Variants in TANC1 observed in about 807,000 individuals in gnomAD.
The protein encoded by TANC1 is protein TANC1.
Under a neutral mutation model 149.7 loss-of-function variants are expected in TANC1, and 77 were observed. That is an observed-to-expected ratio of 0.51 (90% CI 0.43 to 0.62). The LOEUF is 0.62. Ranked by LOEUF, TANC1 falls within the 20% of genes least tolerant of loss-of-function variation. The probability of loss-of-function intolerance (pLI) is 0.00; values close to 1 mark genes in which losing one functional copy is unlikely to be tolerated. For missense variants in TANC1, 1,985 were observed against 2,321.8 expected (o/e 0.85, Z 2.98); for synonymous variants, 854 against 925.0 (o/e 0.92, Z 1.39).
chr2:159,209,368 C>T (rs73002999), intron 19 of TANC1, among the ~76,000 whole-genome samples: 1,896 of 152,338 alleles, frequency 0.012, 43 homozygotes, highest in African/African-American at 0.043. Flanking sequence ...TAATAGAAGC[C>T]TTCCCCTCGC....
intron 2 of TANC1, among the ~76,000 whole-genome samples, chr2:159,041,241 G>A (rs928335361): frequency 1.2e-4 from 19 of 152,282 alleles, no homozygotes; most frequent in Admixed American, 3.9e-4. Flanking sequence ...TGGGGGTCAG[G>A]GACCCACTTG....
Position 159,176,662 on chromosome 2 carries a change from C to T in TANC1, c.1902+144C>T, listed in dbSNP as rs527432902. On this transcript the variant is annotated intron_variant, in intron 13 of 26. Transcript: ENST00000263635. The stretch of plus-strand genomic sequence containing the variant: ...AATTTGAAAAACTAGTCCAGAGAGC[C>T]AGACTTGGGTGAAACTCTGACCTTT... 40 of 670,164 alleles carry T rather than the reference C, an allele frequency of 6.0e-5. No homozygotes were observed. The Admixed American group carries it at 6.4e-4, about 11-fold the overall frequency. The allele number at this position is 670,164 out of a possible 1,614,324, so 41.5% of individuals were successfully genotyped here. A position where few individuals can be genotyped will look rare whatever the true frequency, so the allele number is the denominator to read the frequency against.
At chr2:159,083,180 C>T (rs1036838720) in intron 3 of TANC1, among the ~76,000 whole-genome samples, 5 of 151,996 alleles carry the variant, frequency 3.3e-5, no homozygotes, top group African/African-American at 4.8e-5. Flanking sequence ...GTCTTGAACT[C>T]CTGGCCTCAA....
At chr2:159,040,950 G>A (rs555545447) in intron 2 of TANC1, among the ~76,000 whole-genome samples, 110 of 152,232 alleles carry the variant, frequency 7.2e-4, no homozygotes, top group African/African-American at 2.6e-3. Context: ...GTTTTGGTGT[G>A]GATGTCCTTT....
At chr2:159,188,770 C>T (rs1287385322) in intron 16 of TANC1, among the ~76,000 whole-genome samples, 6 of 152,378 alleles carry the variant, frequency 3.9e-5, no homozygotes, top group South Asian at 4.1e-4. Flanking sequence ...TCCTCATGAT[C>T]GTATTGCCTC....
At chr2:159,046,776 G>T (rs533303528) in intron 2 of TANC1, among the ~76,000 whole-genome samples, 206 of 150,868 alleles carry the variant, frequency 1.4e-3, no homozygotes, top group Middle Eastern at 3.4e-3. Flanking sequence ...AATTTTTTTT[G>T]TATTTTTTGT....
intron 1 of TANC1, among the ~76,000 whole-genome samples, chr2:158,987,959 C>T (rs2035196077): frequency 6.6e-6 from 1 of 152,150 alleles, no homozygotes; most frequent in African/African-American, 2.4e-5. Context: ...CATTGCTTTA[C>T]ATTACCTACC....
chr2:159,002,483 TTC>T (rs1171494864), intron 2 of TANC1, among the ~76,000 whole-genome samples: 1 of 152,164 alleles, frequency 6.6e-6, no homozygotes, highest in African/African-American at 2.4e-5. Flanking sequence ...GCCACAGATT[TTC>T]TTTGTTTTTA....
chr2:159,098,553 C>T (rs1276496969), intron 4 of TANC1, among the ~76,000 whole-genome samples: 1 of 152,052 alleles, frequency 6.6e-6, no homozygotes, highest in Non-Finnish European at 1.5e-5. Flanking sequence ...TTTATTACTA[C>T]CTAGTATATA....
At chr2:159,011,426 G>T (rs1221041523) in intron 2 of TANC1, among the ~76,000 whole-genome samples, 2 of 152,152 alleles carry the variant, frequency 1.3e-5, no homozygotes, top group South Asian at 2.1e-4. Flanking sequence ...ATCTGATGGG[G>T]GCAGGCAATA....
In TANC1 at chr2:158,969,221, C is replaced by CGGGGGAGGCG. The variant is rs879894616; in HGVS notation, c.-126+450_-126+459dup. ...CCTGGGCTACGCCTGGTACCTGGCG[C>CGGGGGAGGCG]GGGGGAGGCGGGGGGAGGCGCGCCT... On this transcript the variant is annotated intron_variant, in intron 1 of 26. Coordinates refer to ENST00000263635, the MANE Select transcript of TANC1 (RefSeq NM_033394.3). 4.4e-3 allele frequency among the ~76,000 whole-genome samples: 670 copies of CGGGGGAGGCG among 152,228 alleles called. 1 individual carries two copies. The highest frequency in any genetic ancestry group is 7.9e-3 in the Non-Finnish European group (540 of 68,000).
chr2:159,076,413 G>T (rs1283097422), intron 3 of TANC1, among the ~76,000 whole-genome samples: 1 of 152,132 alleles, frequency 6.6e-6, no homozygotes, highest in East Asian at 1.9e-4. Context: ...AAGCATAAAA[G>T]CAACCCCATT....
chr2:159,143,379 C>T (rs1559339199), intron 5 of TANC1, among the ~76,000 whole-genome samples: 2 of 151,650 alleles, frequency 1.3e-5, no homozygotes, highest in African/African-American at 4.8e-5. Flanking sequence ...ATAAAACAGA[C>T]CATTGGATCT....
intron 2 of TANC1, among the ~76,000 whole-genome samples, chr2:159,027,359 A>G (rs1046958268): frequency 6.6e-6 from 1 of 152,186 alleles, no homozygotes; most frequent in African/African-American, 2.4e-5. Flanking sequence ...GCATTTCACA[A>G]AGACCTAGGA....
intron 10 of TANC1, 92 bp from the exon 11 acceptor site, chr2:159,172,029 A>T: frequency 1.5e-6 from 2 of 1,318,722 alleles, no homozygotes; most frequent in Non-Finnish European, 2.1e-6. Context: ...CTTGCTTATT[A>T]AAATATGCCC....
intron 2 of TANC1, among the ~76,000 whole-genome samples, chr2:159,009,715 C>T (rs1022876679): frequency 1.3e-5 from 2 of 152,076 alleles, no homozygotes; most frequent in African/African-American, 4.8e-5. Flanking sequence ...AACTGGAATT[C>T]ATTGTATATT....
chr2:159,206,866 T>C (rs2058641659), intron 19 of TANC1, among the ~76,000 whole-genome samples: 1 of 152,174 alleles, frequency 6.6e-6, no homozygotes, highest in Non-Finnish European at 1.5e-5. Context: ...GAGAACCTTA[T>C]GCCTGCTTTA....
chr2:159,164,864 G>A (rs2054418082), intron 8 of TANC1, among the ~76,000 whole-genome samples: 2 of 152,188 alleles, frequency 1.3e-5, no homozygotes, highest in South Asian at 4.1e-4. Flanking sequence ...CCTTGTTCCA[G>A]AAGAGGGATT....
chr2:159,044,382 G>A (rs967677742), intron 2 of TANC1, among the ~76,000 whole-genome samples: 11 of 152,136 alleles, frequency 7.2e-5, no homozygotes, highest in Non-Finnish European at 1.3e-4. Flanking sequence ...AGGCTGCAGT[G>A]AGCTCTGATG....
Sources: gnomAD v4.1 joint callset for allele counts (sites outside exome capture counted in the v4.1 genomes callset) on GRCh38, gnomAD v4.1.1 for gene constraint, MANE v1.5 for transcripts, NCBI Gene and HGNC (gene_info 2026-07-23, HGNC 2026-07-21) for gene names.